Variants in AKT1 observed in about 807,000 individuals in gnomAD.
The protein encoded by AKT1 is AKT serine/threonine kinase 1, also known as RAC-alpha serine/threonine-protein kinase.
In AKT1, 21 loss-of-function variants were observed where a neutral mutation model predicts 63.1. That is an observed-to-expected ratio of 0.33 (90% CI 0.24 to 0.48). The LOEUF (loss-of-function observed/expected upper bound fraction) is 0.48. Among genes scored for constraint, AKT1 ranks in the 20% least tolerant of loss-of-function variants. The pLI, the probability that AKT1 is intolerant of heterozygous loss-of-function variation, is 0.99. For synonymous variants in AKT1, 257 were observed against 253.1 expected, an observed-to-expected ratio of 1.02 and a Z score of -0.15; for missense variants, 382 against 666.0, an observed-to-expected ratio of 0.57 and a Z score of 4.69.
chr14:104,783,849 G>A (rs1893198682), intron 3 of AKT1, among the ~76,000 whole-genome samples: 1 of 152,246 alleles, frequency 6.6e-6, no homozygotes, highest in Non-Finnish European at 1.5e-5. Flanking sequence ...GGGTCCCAGT[G>A]CAACCCCGGC....
At chr14:104,784,617 G>A (rs1002463822) in intron 3 of AKT1, among the ~76,000 whole-genome samples, 1 of 152,096 alleles carries the variant, frequency 6.6e-6, no homozygotes, top group African/African-American at 2.4e-5. Flanking sequence ...CCAAATACCG[G>A]GGTTCTGAGA....
intron 4 of AKT1, chr14:104,777,228 A>AGCACACCCACACCTGGG (rs1239133118): frequency 0.19 from 35,086 of 185,818 alleles, 4,217 homozygotes; most frequent in African/African-American, 0.23. Context: ...AGCCACCTGG[A>AGCACACCCACACCTGGG]GCACACCCAC....
At chr14:104,788,517 G>A (rs996441038) in intron 3 of AKT1, among the ~76,000 whole-genome samples, 3 of 152,232 alleles carry the variant, frequency 2.0e-5, no homozygotes, top group Non-Finnish European at 4.4e-5. Context: ...ATGAAGGGGA[G>A]TGGCCTGTAC....
rs1400278205 is a variant in AKT1 at position 104,780,727 on chromosome 14, G to A, written c.47-511C>T. Among the ~76,000 whole-genome samples the A allele has an allele frequency of 1.6e-4, 20 of 128,810 alleles. No individual in the cohort carries two copies. In the South Asian group the frequency reaches 3.0e-3, roughly 20 times the overall value. 84.5% of individuals were successfully genotyped at this position (128,810 alleles called of 152,430 possible). A position where few individuals can be genotyped will look rare whatever the true frequency, so the allele number is the denominator to read the frequency against. On this transcript the variant is annotated intron_variant, in intron 3 of 14. Transcript: ENST00000649815. ...CCAGCATGGCCGCCCCCCCCGCCCCGCCGCCACCCACCAGGAGGATGGAGC... is the reference window on the plus strand; with the variant it reads ...CCAGCATGGCCGCCCCCCCCGCCCCACCGCCACCCACCAGGAGGATGGAGC...
In AKT1 at chr14:104,776,723, T is replaced by C. The variant is rs2140930445; in HGVS notation, c.223A>G (p.Ile75Val). The part of the protein sequence containing the change: ...TERPRPNTFI[I>V]RCLQWTTVIE... Reference sequence around the variant, plus strand: ...ACAGTGGTCCACTGCAGGCAGCGGATGATGAAGGTGTTGGGCCGGGGCCGC... The same window carrying C: ...ACAGTGGTCCACTGCAGGCAGCGGACGATGAAGGTGTTGGGCCGGGGCCGC... The change falls in exon 5 of 15, where the codon ATC becomes GTC. Residue 75 changes from isoleucine to valine, a missense_variant. By Grantham distance (29) the Ile-to-Val change is conservative. This residue lies in a region of AKT1 where 226 missense variants were observed against 366.4 expected (regional missense o/e 0.62). Transcript: ENST00000649815. The C allele has an allele frequency of 6.2e-7, 1 of 1,613,504 alleles. No individual in the cohort carries two copies. The highest frequency in any genetic ancestry group is 8.5e-7 in the Non-Finnish European group (1 of 1,179,864).
Position 104,792,450 on chromosome 14 carries a change from T to G in AKT1, c.46+148A>C, listed in dbSNP as rs111536101. 4.1e-5 allele frequency: 36 copies of G among 878,408 alleles called. 2 individuals are homozygous for G. The highest frequency in any genetic ancestry group is 4.4e-4 in the Middle Eastern group (2 of 4,502). The allele number at this position is 878,408 out of a possible 1,614,324, so 54.4% of individuals were successfully genotyped here. On this transcript the variant is annotated intron_variant, in intron 3 of 14. Coordinates refer to ENST00000649815, the MANE Select transcript of AKT1 (RefSeq NM_001382430.1). ...GTGCCCTCCATGCCATGGGAAGACA[T>G]GGGGCCCAGGACACTCACCCTAGGC...
chr14:104,790,071 C>A (rs1241489758), intron 3 of AKT1, among the ~76,000 whole-genome samples: 1 of 152,222 alleles, frequency 6.6e-6, no homozygotes, highest in South Asian at 2.1e-4. Context: ...AGGGCATACC[C>A]GTCCCCTCTC....
At chr14:104,790,242 T>G (rs1893557713) in intron 3 of AKT1, among the ~76,000 whole-genome samples, 1 of 152,050 alleles carries the variant, frequency 6.6e-6, no homozygotes, top group African/African-American at 2.4e-5. Flanking sequence ...CGGGCCAGCC[T>G]CTGAGACAAG....
chr14:104,786,872 G>A (rs1893359708), intron 3 of AKT1, among the ~76,000 whole-genome samples: 1 of 152,172 alleles, frequency 6.6e-6, no homozygotes, highest in Admixed American at 6.5e-5. Context: ...CTGTGGGGAG[G>A]CCAGCCAGAC....
At chr14:104,790,113 C>T (rs906185196) in intron 3 of AKT1, among the ~76,000 whole-genome samples, 2 of 152,242 alleles carry the variant, frequency 1.3e-5, no homozygotes, top group East Asian at 3.8e-4. Context: ...CTGAAGGCAC[C>T]ATCACGCCAC....
chr14:104,776,089 A>C (rs917905296), intron 5 of AKT1: 43 of 157,930 alleles, frequency 2.7e-4, no homozygotes, highest in South Asian at 6.7e-4. Flanking sequence ...CGCCCCCCCC[A>C]AGCAGGACTC....
intron 4 of AKT1, chr14:104,777,372 C>G (rs1892786679): frequency 1.2e-5 from 3 of 257,836 alleles, no homozygotes; most frequent in Non-Finnish European, 2.0e-5. Context: ...GAGGCAAAGC[C>G]ACACCTGGGG....
intron 8 of AKT1, chr14:104,774,586 T>G: frequency 3.2e-6 from 1 of 314,834 alleles, no homozygotes; most frequent in Non-Finnish European, 5.9e-6. Context: ...CTGGGCCAAG[T>G]CCCCAGAACA....
intron 6 of AKT1, chr14:104,775,445 G>T: frequency 1.9e-6 from 2 of 1,052,242 alleles, no homozygotes; most frequent in Non-Finnish European, 2.7e-6. Flanking sequence ...CCCAAGCCTG[G>T]CAGGGCTCAG....
At chr14:104,790,359 C>A (rs1304892985) in intron 3 of AKT1, among the ~76,000 whole-genome samples, 1 of 152,136 alleles carries the variant, frequency 6.6e-6, no homozygotes, top group Non-Finnish European at 1.5e-5. Flanking sequence ...TCCCTCCCCA[C>A]CCCCAGCCAG....
In AKT1 at chr14:104,775,457, A is replaced by G. The variant is rs1595245399; in HGVS notation, c.435+195T>C. 15 of 1,067,790 alleles carry G rather than the reference A, an allele frequency of 1.4e-5. No individual in the cohort carries two copies. In the East Asian group the frequency reaches 3.9e-4, roughly 28 times the overall value. The allele number at this position is 1,067,790 out of a possible 1,614,324, so 66.1% of individuals were successfully genotyped here. On this transcript the variant is annotated intron_variant, in intron 6 of 14. Coordinates refer to ENST00000649815, the MANE Select transcript of AKT1 (RefSeq NM_001382430.1). ...TTGCCCAAGCCTGGCAGGGCTCAGC[A>G]ACCCCAGTTTTCCTCTGACATGGGG...
At chr14:104,772,552 C>A in intron 12 of AKT1, 100 bp from the exon 13 acceptor site, 1 of 1,209,224 alleles carries the variant, frequency 8.3e-7, no homozygotes, top group Non-Finnish European at 1.2e-6. Flanking sequence ...CCAGACAGGA[C>A]GTTCCGGGGC....
intron 5 of AKT1, 151 bp downstream of exon 5, chr14:104,776,508 C>T (rs1892723019): frequency 4.7e-6 from 3 of 634,580 alleles, no homozygotes; most frequent in Non-Finnish European, 8.0e-6. Flanking sequence ...CAGGACTGGG[C>T]CAGTTTCCAA....
intron 3 of AKT1, among the ~76,000 whole-genome samples, chr14:104,781,699 C>CTGGGGGGATGCTGGTGGAGGG: frequency 6.6e-6 from 1 of 152,274 alleles, no homozygotes; most frequent in South Asian, 2.1e-4. Flanking sequence ...GCCAGGGCTG[C>CTGGGGGGATGCTGGTGGAGGG]TGGGGGGATG....
Sources: allele counts gnomAD v4.1 joint callset (sites outside exome capture counted in the v4.1 genomes callset), GRCh38; gene constraint gnomAD v4.1.1; regional missense constraint gnomAD v4.1.1; transcripts MANE v1.5; gene names NCBI Gene and HGNC (gene_info 2026-07-23, HGNC 2026-07-21).